ZER1: variants seen among roughly 807,000 people sequenced by gnomAD.
ZER1 encodes zyg-11 related cell cycle regulator.
Under a neutral mutation model 78.8 loss-of-function variants are expected in ZER1, and 11 were observed. The observed-to-expected ratio is 0.14, with a 90% CI of 0.09 to 0.23. The LOEUF (loss-of-function observed/expected upper bound fraction) is 0.23. Ranked by LOEUF, ZER1 falls within the 10% of genes least tolerant of loss-of-function variation. The pLI is 1.00. For synonymous variants in ZER1, 400 were observed against 407.0 expected (o/e 0.98, Z 0.21); for missense variants, 588 against 996.9 (o/e 0.59, Z 5.52).
chr9:128,759,802 AAG>A (rs1863986237), intron 1 of ZER1, among the ~76,000 whole-genome samples: 1 of 152,194 alleles, frequency 6.6e-6, no homozygotes, highest in Admixed American at 6.5e-5. Context: ...CTCAAAAAAA[AAG>A]AAAAAAATTA....
Position 128,755,154 on chromosome 9 carries a change from C to T in ZER1, c.158+254G>A, listed in dbSNP as rs184666260. Among the ~76,000 whole-genome samples the T allele has an allele frequency of 3.3e-5, 5 of 152,110 alleles. No homozygotes were observed. Among genetic ancestry groups the T allele is most frequent in the African/African-American group, 7.2e-5 (3 of 41,390 alleles). On this transcript the variant is annotated intron_variant, in intron 2 of 15. Coordinates refer to ENST00000291900, the MANE Select transcript of ZER1 (RefSeq NM_006336.4). This position sits in a 1 kb window ranked among gnomAD's most constrained non-coding sequence, Gnocchi z 5.6. ...TCAGAAATAACCTGTGCTGCATAAGCTTACATGTGTACACACACCCATGCC... is the reference window on the plus strand; with the variant it reads ...TCAGAAATAACCTGTGCTGCATAAGTTTACATGTGTACACACACCCATGCC...
intron 13 of ZER1, among the ~76,000 whole-genome samples, chr9:128,739,129 C>T (rs1040112870): frequency 3.3e-5 from 5 of 151,884 alleles, no homozygotes; most frequent in Non-Finnish European, 5.9e-5. Context: ...TGATTACAGG[C>T]GTGAACCACT....
intron 10 of ZER1, 49 bp downstream of exon 10, chr9:128,741,751 C>A (rs772883391): frequency 1.2e-6 from 2 of 1,613,992 alleles, no homozygotes; most frequent in East Asian, 4.5e-5. Context: ...GCCCAGGCCC[C>A]TTGCGAGGTG....
chr9:128,764,340 G>A (rs548008872), intron 1 of ZER1, among the ~76,000 whole-genome samples: 1 of 152,262 alleles, frequency 6.6e-6, no homozygotes, highest in African/African-American at 2.4e-5. Context: ...ACTGCTGGGC[G>A]CCCAGTGGCT....
At chr9:128,739,116 C>A (rs1863197666) in intron 13 of ZER1, among the ~76,000 whole-genome samples, 1 of 151,910 alleles carries the variant, frequency 6.6e-6, no homozygotes, top group Non-Finnish European at 1.5e-5. Flanking sequence ...TCCTAAAGTG[C>A]TATGATTACA....
rs919461378 is a variant in ZER1, at chr9:128,751,985, CA to C, written c.924-459del. ...CACTGCCAGCCTTGCCTCTTCCCCC[CA>C]TGGCACTGTGCTCTGGTCAGGCTGA... On this transcript the variant is annotated intron_variant, in intron 5 of 15. Coordinates refer to ENST00000291900, the MANE Select transcript of ZER1 (RefSeq NM_006336.4). The surrounding 1 kb of genome is among the most constrained non-coding windows in gnomAD (Gnocchi z 5.4). 4.6e-5 allele frequency among the ~76,000 whole-genome samples: 7 copies of C among 152,218 alleles called. No homozygotes were observed. The highest frequency in any genetic ancestry group is 1.0e-4 in the Non-Finnish European group (7 of 68,040).
In ZER1 at chr9:128,755,534, G is replaced by T; in HGVS notation, c.32C>A (p.Ala11Asp). The T allele has an allele frequency of 6.2e-7, 1 of 1,613,606 alleles. No homozygotes were observed. Among genetic ancestry groups the T allele is most frequent in the South Asian group, 1.1e-5 (1 of 91,076 alleles). MASDTPESLM[A>D]LCTDFCLRNL... is the part of the protein sequence containing the mutation. The stretch of plus-strand genomic sequence containing the variant: ...GCGCAAGCAGAAGTCAGTACAGAGG[G>T]CCATCAGCGACTCGGGAGTGTCGGA... The change falls in exon 2 of 16, where the codon GCC becomes GAC. Residue 11 changes from alanine (A) to aspartate (D), a missense_variant. This residue lies in a region of ZER1 where 406 missense variants were observed against 660.1 expected (regional missense o/e 0.62). Transcript: ENST00000291900. This position sits in a 1 kb window ranked among gnomAD's most constrained non-coding sequence, Gnocchi z 5.6.
chr9:128,765,631 G>A (rs1433991342), intron 1 of ZER1, among the ~76,000 whole-genome samples: 1 of 152,176 alleles, frequency 6.6e-6, no homozygotes, highest in East Asian at 1.9e-4. Flanking sequence ...CAGAAGCTCT[G>A]AGCCTTGGAG....
chr9:128,742,752 C>G lies in ZER1; in HGVS notation c.1360-7G>C, dbSNP rs747302235. On this transcript the variant is annotated splice_polypyrimidine_tract_variant and splice_region_variant and intron_variant, in intron 8 of 15. Coordinates refer to ENST00000291900, the MANE Select transcript of ZER1 (RefSeq NM_006336.4). ...GGCAGCAGTTCCGCTGCACCTGGGC[C>G]GGGACAGGACACAAGTGGGGCACAT... 1 of 1,596,438 alleles carries G rather than the reference C, an allele frequency of 6.3e-7. No individual in the cohort carries two copies.
intron 10 of ZER1, 36 bp downstream of exon 10, chr9:128,741,764 G>A (rs1348347373): frequency 8.1e-6 from 13 of 1,614,156 alleles, no homozygotes; most frequent in Non-Finnish European, 1.1e-5. Context: ...GCGAGGTGGG[G>A]AAAGGGTAGC....
intron 15 of ZER1, 43 bp from the exon 16 acceptor site, chr9:128,731,437 T>TGGGGGGTTTTGGGGGGGGGGGTTGGGGG: frequency 2.2e-6 from 1 of 451,616 alleles, no homozygotes; most frequent in Non-Finnish European, 4.3e-6. Context: ...TGGGCTTGGG[T>TGGGGGGTTTTGGGGGGGGGGGTTGGGGG]GGGGGTGAGC....
In ZER1 at chr9:128,753,484, A is replaced by T. The variant is rs1348941105; in HGVS notation, c.426T>A (p.Ile142=). The T allele has an allele frequency of 6.2e-7, 1 of 1,614,060 alleles. No individual in the cohort carries two copies. Among genetic ancestry groups the T allele is most frequent in the Admixed American group, 1.7e-5 (1 of 60,018 alleles). ...CCCCTGGGTTCTCCTCCTCATAGAA[A>T]ATGTTTGTACAGCCGAAGAGGCTCA... ...VSLSLFGCTN[I]FYEEENPGGC... The change falls in exon 4 of 16, where the codon ATT becomes ATA. Residue 142 remains isoleucine, a synonymous_variant. Coordinates refer to ENST00000291900, the MANE Select transcript of ZER1 (RefSeq NM_006336.4). This position sits in a 1 kb window ranked among gnomAD's most constrained non-coding sequence, Gnocchi z 7.5.
chr9:128,765,406 T>G (rs768303130), intron 1 of ZER1, among the ~76,000 whole-genome samples: 4 of 152,258 alleles, frequency 2.6e-5, no homozygotes, highest in Non-Finnish European at 5.9e-5. Flanking sequence ...ATGAAGATAC[T>G]GACGCATACA....
Position 128,754,832 on chromosome 9 carries a change from G to A in ZER1, c.158+576C>T, listed in dbSNP as rs540638750. Among the ~76,000 whole-genome samples, 5 of 152,150 alleles carry A rather than the reference G, an allele frequency of 3.3e-5. No individual in the cohort carries two copies. In the East Asian group the frequency reaches 9.6e-4, roughly 29 times the overall value. ...AGCCACCATGCCTGGCCACCATCTG[G>A]GCCTGTAGATTGAACTCCCAGCATT... On this transcript the variant is annotated intron_variant, in intron 2 of 15. Transcript: ENST00000291900. The surrounding 1 kb of genome is among the most constrained non-coding windows in gnomAD (Gnocchi z 4.3).
chr9:128,734,044 C>T (rs1319460756), intron 14 of ZER1, among the ~76,000 whole-genome samples: 21 of 107,916 alleles, frequency 1.9e-4, no homozygotes, highest in African/African-American at 5.6e-4. Flanking sequence ...AGGAGAATGG[C>T]GTGAACCCGG....
Position 128,754,008 on chromosome 9 carries a change from T to G in ZER1, c.159-49A>C, listed in dbSNP as rs766714457. ...CAGGAGAGGGCCACAGGGACTCTCA[T>G]CCTCGCTTCAAAGCCAAGCCCTCCT... On this transcript the variant is annotated intron_variant, in intron 2 of 15. Transcript: ENST00000291900. The surrounding 1 kb of genome is among the most constrained non-coding windows in gnomAD (Gnocchi z 4.3). The G allele has an allele frequency of 5.0e-5, 77 of 1,548,194 alleles. No individual in the cohort carries two copies. In the Admixed American group the frequency reaches 5.1e-4, roughly 10 times the overall value.
At position 128,741,759 on chromosome 9, in the gene ZER1, G is replaced by T. The variant is rs13299574; in HGVS notation, c.1617+41C>A. On this transcript the variant is annotated intron_variant, in intron 10 of 15. Coordinates refer to ENST00000291900, the MANE Select transcript of ZER1 (RefSeq NM_006336.4). The stretch of plus-strand genomic sequence containing the variant: ...AGGGGCAGCCCAGGCCCCTTGCGAG[G>T]TGGGGAAAGGGTAGCGTGGCTTCGT... 3 of 1,614,042 alleles carry T rather than the reference G, an allele frequency of 1.9e-6. No homozygotes were observed. The African/African-American group carries it at 4.0e-5, about 22-fold the overall frequency.
intron 8 of ZER1, among the ~76,000 whole-genome samples, chr9:128,749,065 C>A (rs750846576): frequency 8.7e-5 from 13 of 149,834 alleles, no homozygotes; most frequent in Non-Finnish European, 1.2e-4. Context: ...CGGTGGCTCA[C>A]GCCTGTAATC....
chr9:128,744,280 C>G (rs1006631944), intron 8 of ZER1, among the ~76,000 whole-genome samples: 2 of 152,058 alleles, frequency 1.3e-5, no homozygotes, highest in African/African-American at 2.4e-5. Context: ...CAACCTCTGC[C>G]TCGCGGGTCC....
Sources: allele counts gnomAD v4.1 joint callset (sites outside exome capture counted in the v4.1 genomes callset), GRCh38; gene constraint gnomAD v4.1.1; regional missense constraint gnomAD v4.1.1; non-coding constraint Gnocchi (gnomAD v3.1); transcripts MANE v1.5; gene names NCBI Gene and HGNC (gene_info 2026-07-23, HGNC 2026-07-21).